C4orf51: variants seen among roughly 807,000 people sequenced by gnomAD.
C4orf51 encodes the protein chromosome 4 open reading frame 51.
In C4orf51, 25 loss-of-function variants were observed where a neutral mutation model predicts 25.2. That is an observed-to-expected ratio of 0.99 (90% CI 0.72 to 1.39). The LOEUF (loss-of-function observed/expected upper bound fraction) is 1.39. Ranked by LOEUF, C4orf51 falls within the 40% of genes most tolerant of loss-of-function variation. C4orf51 has a pLI of 0.00. For missense variants in C4orf51, 252 were observed against 239.6 expected (o/e 1.05, Z -0.34); for synonymous variants, 100 against 84.5 (o/e 1.18, Z -1.01).
chr4:145,736,508 C>T (rs1221281932), downstream of C4orf51, among the ~76,000 whole-genome samples: 2 of 152,224 alleles, frequency 1.3e-5, no homozygotes, highest in South Asian at 2.1e-4. Flanking sequence ...CATGGCTGGG[C>T]GCAACAGCTG....
downstream of C4orf51, among the ~76,000 whole-genome samples, chr4:145,734,036 T>C (rs1484574723): frequency 6.6e-6 from 1 of 152,250 alleles, no homozygotes; most frequent in Non-Finnish European, 1.5e-5. Flanking sequence ...ATTAGAATTC[T>C]GTTTTAATTC....
Position 145,763,210 on chromosome 4 carries a change from G to C in C4orf51, n.167-7778G>C, listed in dbSNP as rs1734794125. ...GTACAAGCAGTTCCATCACAGAAAA[G>C]CAATTTAGACATCAGCAGTCTGTTT... is the stretch of plus-strand genomic sequence containing the variant. On this transcript the variant is annotated intron_variant and non_coding_transcript_variant, in intron 1 of 1. Coordinates refer to the C4orf51 transcript ENST00000510096. The surrounding 1 kb of genome is among the most constrained non-coding windows in gnomAD (Gnocchi z 4.6). 3 of 1,340,022 alleles carry C rather than the reference G, an allele frequency of 2.2e-6. No homozygotes were observed. Among genetic ancestry groups the C allele is most frequent in the Non-Finnish European group, 3.1e-6 (3 of 980,912 alleles). 83.0% of individuals were successfully genotyped at this position (1,340,022 alleles called of 1,614,324 possible). A position where few individuals can be genotyped will look rare whatever the true frequency, so the allele number is the denominator to read the frequency against.
At chr4:145,715,875 A>C (rs1731382362) in intron 2 of C4orf51, among the ~76,000 whole-genome samples, 2 of 152,176 alleles carry the variant, frequency 1.3e-5, no homozygotes, top group African/African-American at 2.4e-5. Context: ...CTTTCATATT[A>C]GTCCCAGAAT....
chr4:145,771,446 A>C (rs1407167995), downstream of C4orf51, among the ~76,000 whole-genome samples: 1 of 152,178 alleles, frequency 6.6e-6, no homozygotes, highest in Non-Finnish European at 1.5e-5. Context: ...TGAGGTATTG[A>C]TAGTTGTATT....
chr4:145,695,244 C>G (rs1322066518), intron 1 of C4orf51, among the ~76,000 whole-genome samples: 3 of 152,204 alleles, frequency 2.0e-5, no homozygotes, highest in Non-Finnish European at 4.4e-5. Flanking sequence ...ACCTTGCCAG[C>G]ATCTGTTATT....
At chr4:145,778,115 A>C in the C4orf51 span, among the ~76,000 whole-genome samples, 2 of 152,154 alleles carry the variant, frequency 1.3e-5, no homozygotes, top group African/African-American at 4.8e-5. Context: ...AGCATGGAGA[A>C]ACCCCATTTC....
At chr4:145,703,312 C>G (rs1730585371) in intron 2 of C4orf51, among the ~76,000 whole-genome samples, 1 of 152,026 alleles carries the variant, frequency 6.6e-6, no homozygotes, top group African/African-American at 2.4e-5. Flanking sequence ...GACCCCCACT[C>G]CTGCCCGCCA....
chr4:145,687,547 G>T (rs1729245780), intron 1 of C4orf51, among the ~76,000 whole-genome samples: 1 of 152,154 alleles, frequency 6.6e-6, no homozygotes, highest in Non-Finnish European at 1.5e-5. Flanking sequence ...GTCAGTCTTG[G>T]ACTCCTTCAA....
At chr4:145,743,168 A>G (rs1253695426) in intron 1 of C4orf51, among the ~76,000 whole-genome samples, 1 of 152,152 alleles carries the variant, frequency 6.6e-6, no homozygotes, top group Non-Finnish European at 1.5e-5. Flanking sequence ...CATTTGGAAC[A>G]TACCTCATCT....
At chr4:145,731,841 C>T (rs889957746) in intron 5 of C4orf51, among the ~76,000 whole-genome samples, 3 of 151,658 alleles carry the variant, frequency 2.0e-5, no homozygotes, top group Non-Finnish European at 2.9e-5. Context: ...CTCGGCCTCC[C>T]AAACTGCTGG....
chr4:145,714,312 A>G lies in C4orf51; in HGVS notation c.308-12599A>G, dbSNP rs1456331790. 2.6e-5 allele frequency among the ~76,000 whole-genome samples: 4 copies of G among 152,226 alleles called. No individual in the cohort carries two copies. The East Asian group carries it at 7.7e-4, about 29-fold the overall frequency. ...GTAAAGAGGTTACCATAATGAAGCA[A>G]ATTAAATATCCATCATCTCACATAA... On this transcript the variant is annotated intron_variant, in intron 2 of 5. Transcript: ENST00000438731.
chr4:145,681,221 A>C (rs768018800), intron 1 of C4orf51, among the ~76,000 whole-genome samples: 41 of 152,204 alleles, frequency 2.7e-4, no homozygotes, highest in Non-Finnish European at 5.1e-4. Context: ...GTATATATTA[A>C]TTGGTAAATA....
chr4:145,729,015 G>C lies in C4orf51; in HGVS notation c.367-154G>C, dbSNP rs535267257. 1.9e-4 allele frequency among the ~76,000 whole-genome samples: 29 copies of C among 151,908 alleles called. No individual in the cohort carries two copies. The South Asian group carries it at 6.0e-3, about 32-fold the overall frequency. ...CTGCCTCAGCCTCCCAAGTGGCTGA[G>C]ACTACACTGCACTCACAGTGGTGGC... On this transcript the variant is annotated intron_variant, in intron 3 of 5. Transcript: ENST00000438731.
intron 3 of C4orf51, among the ~76,000 whole-genome samples, chr4:145,727,895 G>GTATATATATATA (rs35521926): frequency 3.1e-4 from 31 of 101,606 alleles, no homozygotes; most frequent in Middle Eastern, 4.8e-3. Flanking sequence ...AAAAAAATGT[G>GTATATATATATA]TATATATATA....
chr4:145,685,196 A>G (rs1353548289), intron 1 of C4orf51, among the ~76,000 whole-genome samples: 1 of 152,224 alleles, frequency 6.6e-6, no homozygotes, highest in Non-Finnish European at 1.5e-5. Flanking sequence ...TTGGAACTGT[A>G]TAAAATCTAT....
At chr4:145,699,529 A>G (rs938149085) in intron 2 of C4orf51, among the ~76,000 whole-genome samples, 4 of 151,844 alleles carry the variant, frequency 2.6e-5, no homozygotes, top group African/African-American at 7.3e-5. Context: ...CTTAATTTCA[A>G]TTCCTTTCAT....
chr4:145,727,931 T>TTA (rs1229100190), intron 3 of C4orf51, among the ~76,000 whole-genome samples: 6 of 89,186 alleles, frequency 6.7e-5, no homozygotes, highest in East Asian at 2.9e-4. Flanking sequence ...ATAAAATATA[T>TTA]TATATATATA....
In C4orf51 at chr4:145,729,204, G is replaced by A. The variant is rs758675781; in HGVS notation, c.402G>A (p.Pro134=). The change falls in exon 4 of 6, where the codon CCG becomes CCA. Residue 134 remains proline (P), a synonymous_variant. Coordinates refer to ENST00000438731, the MANE Select transcript of C4orf51 (RefSeq NM_001080531.3). Reference sequence around the variant, plus strand: ...TTTGGGATTTTGGTGATTGTTTTCCGACACCTCCAAATTATGGAAAATACT... The same window carrying A: ...TTTGGGATTTTGGTGATTGTTTTCCAACACCTCCAAATTATGGAAAATACT... ...HQIWDFGDCF[P]TPPNYGKYCV... 7.5e-6 allele frequency: 12 copies of A among 1,606,808 alleles called. No homozygotes were observed. The Admixed American group carries it at 8.4e-5, about 11-fold the overall frequency.
At chr4:145,749,065 G>GTATATATATATATA (rs70956871) in intron 1 of C4orf51, among the ~76,000 whole-genome samples, 1 of 116,112 alleles carries the variant, frequency 8.6e-6, no homozygotes, top group Non-Finnish European at 1.7e-5. Flanking sequence ...GTGTGTGTGT[G>GTATATATATATATA]TATATATATA....
Sources: allele counts gnomAD v4.1 joint callset (sites outside exome capture counted in the v4.1 genomes callset), GRCh38; gene constraint gnomAD v4.1.1; non-coding constraint Gnocchi (gnomAD v3.1); transcripts MANE v1.5; gene names NCBI Gene and HGNC (gene_info 2026-07-23, HGNC 2026-07-21).